Variants in MARCHF8 observed in about 807,000 individuals in gnomAD.
MARCHF8 encodes E3 ubiquitin-protein ligase MARCHF8.
Under a neutral mutation model 51.6 loss-of-function variants are expected in MARCHF8, and 40 were observed. The ratio of observed to expected loss-of-function variants is 0.77; its 90% CI spans 0.60 to 1.01. The LOEUF is 1.01. MARCHF8 is among the 50% of genes least tolerant of loss of function. MARCHF8 has a pLI of 0.00. For missense variants in MARCHF8, 685 were observed against 708.6 expected (o/e 0.97, Z 0.38); for synonymous variants, 263 against 280.3 (o/e 0.94, Z 0.62).
At position 45,509,629 on chromosome 10, in the gene MARCHF8, G is replaced by C. The variant is rs993014697; in HGVS notation, c.103-20212C>G. 2.6e-5 allele frequency among the ~76,000 whole-genome samples: 4 copies of C among 152,206 alleles called. 1 individual carries two copies. In the East Asian group the frequency reaches 7.7e-4, roughly 29 times the overall value. On this transcript the variant is annotated intron_variant, in intron 2 of 7. Transcript: ENST00000453424. ...TGACTAAACACTTTTAAGTGTTCTGGAACTAAGGAACTAAGACTGCCTTTA... is the reference window on the plus strand; with the variant it reads ...TGACTAAACACTTTTAAGTGTTCTGCAACTAAGGAACTAAGACTGCCTTTA...
chr10:45,588,137 AAATAT>A (rs1199743453), intron 1 of MARCHF8, among the ~76,000 whole-genome samples: 1 of 151,944 alleles, frequency 6.6e-6, no homozygotes, highest in Non-Finnish European at 1.5e-5. Context: ...ACATGCTAAT[AAATAT>A]ATTTTTTCAT....
At chr10:45,469,637 G>A (rs12761399) in intron 3 of MARCHF8, among the ~76,000 whole-genome samples, 9,430 of 151,936 alleles carry the variant, frequency 0.062, 333 homozygotes, top group Non-Finnish European at 0.067. Context: ...GGGCCGAGGC[G>A]GGCGGATCAC....
chr10:45,558,136 G>A (rs1210427827), intron 1 of MARCHF8, among the ~76,000 whole-genome samples: 3 of 152,114 alleles, frequency 2.0e-5, no homozygotes, highest in African/African-American at 7.2e-5. Flanking sequence ...TTCTTCAGAA[G>A]CATGACTCCT....
chr10:45,572,712 C>A (rs533826574), intron 1 of MARCHF8, among the ~76,000 whole-genome samples: 1 of 152,112 alleles, frequency 6.6e-6, no homozygotes, highest in Non-Finnish European at 1.5e-5. Flanking sequence ...TCAGTCCCAA[C>A]CCCAAGCGTC....
intron 3 of MARCHF8, among the ~76,000 whole-genome samples, chr10:45,486,419 C>T (rs981799795): frequency 6.6e-6 from 1 of 152,136 alleles, no homozygotes; most frequent in African/African-American, 2.4e-5. Flanking sequence ...CAAAAATTAG[C>T]TGGGCGTGGT....
intron 2 of MARCHF8, among the ~76,000 whole-genome samples, chr10:45,517,699 A>G (rs1309754847): frequency 6.6e-6 from 1 of 152,220 alleles, no homozygotes; most frequent in Admixed American, 6.5e-5. Flanking sequence ...CTTTACAGCA[A>G]CAAGACAGCC....
chr10:45,580,245 T>C (rs2133420132), intron 1 of MARCHF8, among the ~76,000 whole-genome samples: 1 of 151,924 alleles, frequency 6.6e-6, no homozygotes, highest in South Asian at 2.1e-4. Context: ...AATCAGGAAA[T>C]ATGACATAAT....
At chr10:45,558,942 A>G (rs900337106) in intron 1 of MARCHF8, among the ~76,000 whole-genome samples, 14 of 152,262 alleles carry the variant, frequency 9.2e-5, no homozygotes, top group African/African-American at 2.7e-4. Flanking sequence ...AATTTATAAT[A>G]AAGTCCCACT....
chr10:45,536,536 G>A (rs147141912), upstream of MARCHF8, among the ~76,000 whole-genome samples: 70 of 151,584 alleles, frequency 4.6e-4, no homozygotes, highest in African/African-American at 1.6e-3. Flanking sequence ...CTTGAGGCCA[G>A]AACTCAAGAA....
At chr10:45,483,988 A>G (rs962325323) in intron 3 of MARCHF8, among the ~76,000 whole-genome samples, 2 of 152,206 alleles carry the variant, frequency 1.3e-5, no homozygotes, top group Non-Finnish European at 2.9e-5. Context: ...CTAATGTTCA[A>G]TAACAACAGA....
Position 45,468,988 on chromosome 10 carries a change from G to A in MARCHF8, c.154-4661C>T, listed in dbSNP as rs80004495. Among the ~76,000 whole-genome samples, 575 of 152,140 alleles carry A rather than the reference G, an allele frequency of 3.8e-3. 3 individuals are homozygous for A. The highest frequency in any genetic ancestry group is 0.013 in the African/African-American group (552 of 41,504). ...TAGGAATTCATCCTCACACACCTGC[G>A]GGAAGAGGTTTGTACACTGCACTAG... On this transcript the variant is annotated intron_variant, in intron 3 of 7. Transcript: ENST00000453424.
At chr10:45,523,535 AAAAC>A (rs2043743783) in intron 2 of MARCHF8, among the ~76,000 whole-genome samples, 1 of 152,216 alleles carries the variant, frequency 6.6e-6, no homozygotes, top group Admixed American at 6.5e-5. Flanking sequence ...TAAATAAATA[AAAAC>A]AAAGAGTGAA....
chr10:45,507,570 G>C (rs1243875669), intron 2 of MARCHF8, among the ~76,000 whole-genome samples: 2 of 152,144 alleles, frequency 1.3e-5, no homozygotes, highest in African/African-American at 4.8e-5. Flanking sequence ...GGAACTAAGT[G>C]AGAATTTATG....
At chr10:45,480,118 G>T (rs1316996866) in intron 3 of MARCHF8, among the ~76,000 whole-genome samples, 1 of 152,180 alleles carries the variant, frequency 6.6e-6, no homozygotes, top group African/African-American at 2.4e-5. Flanking sequence ...GCAGCATTTT[G>T]CCCCTGATGT....
At chr10:45,592,054 T>C (rs2044687269) in intron 1 of MARCHF8, among the ~76,000 whole-genome samples, 1 of 152,212 alleles carries the variant, frequency 6.6e-6, no homozygotes, top group Non-Finnish European at 1.5e-5. Flanking sequence ...AATTAGCACC[T>C]GGAGAACTAG....
At chr10:45,532,903 A>G (rs2043910558) in intron 2 of MARCHF8, among the ~76,000 whole-genome samples, 2 of 152,220 alleles carry the variant, frequency 1.3e-5, no homozygotes, top group Non-Finnish European at 2.9e-5. Context: ...TAAGTCATTT[A>G]TAACCATTTA....
intron 2 of MARCHF8, among the ~76,000 whole-genome samples, chr10:45,530,573 G>A (rs961068765): frequency 4.6e-5 from 7 of 152,154 alleles, no homozygotes; most frequent in African/African-American, 1.7e-4. Flanking sequence ...CTTAAGCCCA[G>A]GAGTTTGAGA....
exon 1 of MARCHF8, chr10:45,594,651 C>A (rs1285465990): frequency 6.6e-6 from 1 of 150,588 alleles, no homozygotes; most frequent in Non-Finnish European, 1.5e-5. Context: ...GTAGCCGACG[C>A]GCTGCCGGCA....
chr10:45,512,663 G>A (rs1201837571), intron 2 of MARCHF8, among the ~76,000 whole-genome samples: 7 of 151,446 alleles, frequency 4.6e-5, no homozygotes, highest in African/African-American at 1.7e-4. Flanking sequence ...GCCTCTGCCC[G>A]GCCGTCCCTA....
Sources: gnomAD v4.1 joint callset for allele counts (sites outside exome capture counted in the v4.1 genomes callset) on GRCh38, gnomAD v4.1.1 for gene constraint, MANE v1.5 for transcripts, NCBI Gene and HGNC (gene_info 2026-07-23, HGNC 2026-07-21) for gene names.